Variants in ABHD17C observed in about 807,000 individuals in gnomAD.
ABHD17C encodes the protein alpha/beta hydrolase domain-containing protein 17C.
ABHD17C carries 11 observed loss-of-function variants against 27.9 expected under a neutral mutation model. The ratio of observed to expected loss-of-function variants is 0.39; its 90% CI spans 0.25 to 0.65. The LOEUF is 0.65. Ranked by LOEUF, ABHD17C falls within the 30% of genes least tolerant of loss-of-function variation. The probability of loss-of-function intolerance (pLI) is 0.45; values close to 1 mark genes in which losing one functional copy is unlikely to be tolerated. For missense variants in ABHD17C, 280 were observed against 470.2 expected, an observed-to-expected ratio of 0.60 and a Z score of 3.74; for synonymous variants, 233 against 209.1, an observed-to-expected ratio of 1.11 and a Z score of -0.98.
chr15:80,725,733 G>C (rs1199096408), intron 1 of ABHD17C, among the ~76,000 whole-genome samples: 1 of 152,056 alleles, frequency 6.6e-6, no homozygotes, highest in African/African-American at 2.4e-5. Context: ...GCCCAGGCTG[G>C]GTTTGAACTC....
At chr15:80,711,675 C>T (rs938793194) in intron 1 of ABHD17C, among the ~76,000 whole-genome samples, 1 of 152,212 alleles carries the variant, frequency 6.6e-6, no homozygotes, top group African/African-American at 2.4e-5. Context: ...ATAATGCCTC[C>T]TGCCTGTCTA....
intron 1 of ABHD17C, among the ~76,000 whole-genome samples, chr15:80,741,605 A>G (rs1480663350): frequency 2.7e-5 from 4 of 148,782 alleles, no homozygotes; most frequent in East Asian, 2.0e-4. Context: ...AGAACTTCCT[A>G]TTCACTTAAA....
chr15:80,752,643 A>G (rs553381295), intron 2 of ABHD17C, among the ~76,000 whole-genome samples: 1 of 152,276 alleles, frequency 6.6e-6, no homozygotes, highest in Non-Finnish European at 1.5e-5. Context: ...TTTAACAAAA[A>G]GATTCCCACA....
At chr15:80,749,793 A>G (rs1447016406) in intron 2 of ABHD17C, 101 bp downstream of exon 2, 1 of 1,376,790 alleles carries the variant, frequency 7.3e-7, no homozygotes, top group Admixed American at 2.0e-5. Flanking sequence ...GAATGCAGCC[A>G]TACGTCAGAC....
At chr15:80,747,805 T>G (rs1454270399) in intron 1 of ABHD17C, among the ~76,000 whole-genome samples, 1 of 152,122 alleles carries the variant, frequency 6.6e-6, no homozygotes, top group African/African-American at 2.4e-5. Context: ...TGTTATAATC[T>G]TTTATTTCCT....
rs560789341 is a variant in ABHD17C at position 80,703,533 on chromosome 15, C to G, written c.590+7514C>G. The G allele has an allele frequency of 5.9e-5, 9 of 152,328 alleles. No individual in the cohort carries two copies. The South Asian group carries it at 1.7e-3, about 28-fold the overall frequency. The allele number at this position is 152,328 out of a possible 1,614,324, so 9.4% of individuals were successfully genotyped here. On this transcript the variant is annotated intron_variant, in intron 1 of 2. Coordinates refer to ENST00000258884, the MANE Select transcript of ABHD17C (RefSeq NM_021214.2). Reference sequence around the variant, plus strand: ...TGTTTTTGAATTTGCTTTTTCTTAACTACACTGGGAAATACGGTGGATTCA... The same window carrying G: ...TGTTTTTGAATTTGCTTTTTCTTAAGTACACTGGGAAATACGGTGGATTCA...
chr15:80,752,260 A>G (rs1451066906), intron 2 of ABHD17C, among the ~76,000 whole-genome samples: 1 of 152,218 alleles, frequency 6.6e-6, no homozygotes, highest in East Asian at 1.9e-4. Flanking sequence ...CAGGTTTCCA[A>G]ATAAGATTTC....
At chr15:80,710,612 A>C (rs534506468) in intron 1 of ABHD17C, among the ~76,000 whole-genome samples, 3 of 152,374 alleles carry the variant, frequency 2.0e-5, no homozygotes, top group South Asian at 2.1e-4. Context: ...AGGCGGAACC[A>C]ACAACAGTAT....
At chr15:80,751,051 G>C (rs1895358482) in intron 2 of ABHD17C, among the ~76,000 whole-genome samples, 1 of 151,946 alleles carries the variant, frequency 6.6e-6, no homozygotes, top group Admixed American at 6.6e-5. Flanking sequence ...CTTTACAAGA[G>C]TCTTATGAAG....
At chr15:80,701,009 C>T (rs1172517724) in intron 1 of ABHD17C, among the ~76,000 whole-genome samples, 1 of 152,334 alleles carries the variant, frequency 6.6e-6, no homozygotes, top group East Asian at 1.9e-4. Context: ...TAATCCCAAG[C>T]TGTTTCTTTT....
intron 1 of ABHD17C, among the ~76,000 whole-genome samples, chr15:80,725,937 T>C (rs150789756): frequency 0.022 from 3,386 of 152,216 alleles, 106 homozygotes; most frequent in Admixed American, 0.095. Flanking sequence ...CACAGAAATA[T>C]AGAGGTGTGA....
Position 80,695,408 on chromosome 15 carries a change from C to A in ABHD17C, c.-22C>A. ...CCAGCCAGCCAGCCAGCCGGGCCGGCGGCGGGCACCAGGCCGTCCCGATGC... is the reference window on the plus strand; with the variant it reads ...CCAGCCAGCCAGCCAGCCGGGCCGGAGGCGGGCACCAGGCCGTCCCGATGC... On this transcript the variant is annotated 5_prime_UTR_variant, in exon 1 of 3. Transcript: ENST00000258884. This position sits in a 1 kb window ranked among gnomAD's most constrained non-coding sequence, Gnocchi z 4.3. 8.2e-7 allele frequency: 1 copy of A among 1,215,758 alleles called. No individual in the cohort carries two copies. The highest frequency in any genetic ancestry group is 1.0e-6 in the Non-Finnish European group (1 of 964,736). The allele number at this position is 1,215,758 out of a possible 1,614,324, so 75.3% of individuals were successfully genotyped here.
chr15:80,745,831 C>T (rs987879534), intron 1 of ABHD17C, among the ~76,000 whole-genome samples: 11 of 152,210 alleles, frequency 7.2e-5, no homozygotes, highest in African/African-American at 2.4e-4. Context: ...ACAGCACAAC[C>T]ATACCACAGT....
chr15:80,697,727 G>A (rs995981517), intron 1 of ABHD17C, among the ~76,000 whole-genome samples: 2 of 151,874 alleles, frequency 1.3e-5, no homozygotes, highest in African/African-American at 2.4e-5. Flanking sequence ...TAATTGTTTC[G>A]GATAACTTTG....
intron 1 of ABHD17C, among the ~76,000 whole-genome samples, chr15:80,733,938 A>G (rs543013959): frequency 2.4e-3 from 357 of 150,510 alleles, no homozygotes; most frequent in Non-Finnish European, 4.4e-3. Context: ...TTTCTTGGAA[A>G]TGGAATGGTG....
chr15:80,739,969 G>A (rs1895186395), intron 1 of ABHD17C, among the ~76,000 whole-genome samples: 1 of 152,136 alleles, frequency 6.6e-6, no homozygotes, highest in Admixed American at 6.5e-5. Flanking sequence ...TGAACTTGGG[G>A]CTGCACTAGC....
intron 1 of ABHD17C, among the ~76,000 whole-genome samples, chr15:80,732,718 G>A (rs377411590): frequency 9.9e-5 from 15 of 152,194 alleles, no homozygotes; most frequent in African/African-American, 3.4e-4. Flanking sequence ...GGGCTGCTTC[G>A]CTGCTTCATG....
intron 1 of ABHD17C, among the ~76,000 whole-genome samples, chr15:80,701,331 C>T (rs1051760137): frequency 6.6e-6 from 1 of 152,030 alleles, no homozygotes; most frequent in Non-Finnish European, 1.5e-5. Flanking sequence ...TATGATGCCA[C>T]TAAGGGAAGA....
At chr15:80,716,340 G>A (rs570603026) in intron 1 of ABHD17C, among the ~76,000 whole-genome samples, 5 of 152,260 alleles carry the variant, frequency 3.3e-5, no homozygotes, top group South Asian at 4.2e-4. Flanking sequence ...ACTAAGCTCC[G>A]ACATGCTTCT....
Sources: allele counts gnomAD v4.1 joint callset (sites outside exome capture counted in the v4.1 genomes callset), GRCh38; gene constraint gnomAD v4.1.1; non-coding constraint Gnocchi (gnomAD v3.1); transcripts MANE v1.5; gene names NCBI Gene and HGNC (gene_info 2026-07-23, HGNC 2026-07-21).